The following CELF2 variants were observed in gnomAD, a reference collection of about 807,000 sequenced individuals.
The protein encoded by CELF2 is CUG triplet repeat RNA-binding protein 2.
In CELF2, 8 loss-of-function variants were observed where a neutral mutation model predicts 62.6. The ratio of observed to expected loss-of-function variants is 0.13; its 90% CI spans 0.07 to 0.23. The LOEUF (loss-of-function observed/expected upper bound fraction) is 0.23. Among genes scored for constraint, CELF2 ranks in the 10% least tolerant of loss-of-function variants. CELF2 has a pLI of 1.00. For missense variants in CELF2, 333 were observed against 671.0 expected (o/e 0.50, Z 5.56); for synonymous variants, 258 against 250.0 (o/e 1.03, Z -0.30).
At chr10:10,669,479 T>C in the CELF2 span, among the ~76,000 whole-genome samples, 2 of 152,212 alleles carry the variant, frequency 1.3e-5, 1 homozygote, top group South Asian at 4.1e-4. Context: ...CCTGACTGCA[T>C]TGTCAGAAGC....
At chr10:11,213,107 C>CGA (rs3055307) in intron 2 of CELF2, among the ~76,000 whole-genome samples, 32,910 of 151,990 alleles carry the variant, frequency 0.22, 4,882 homozygotes, top group East Asian at 0.68. Flanking sequence ...TAACATGGAG[C>CGA]GAGGCCTCTC....
intron 3 of CELF2, among the ~76,000 whole-genome samples, chr10:11,218,448 G>T (rs1210387334): frequency 6.6e-6 from 1 of 152,132 alleles, no homozygotes; most frequent in Non-Finnish European, 1.5e-5. Flanking sequence ...ATTCACACAT[G>T]CACACATAAC....
At position 11,297,352 on chromosome 10, in the gene CELF2, C is replaced by A. The variant is rs1467417031; in HGVS notation, c.976+8800C>A. 6.6e-6 allele frequency among the ~76,000 whole-genome samples: 1 copy of A among 152,088 alleles called. No homozygotes were observed. Among genetic ancestry groups the A allele is most frequent in the African/African-American group, 2.4e-5 (1 of 41,406 alleles). On this transcript the variant is annotated intron_variant, in intron 9 of 12. Transcript: ENST00000633077. This position sits in a 1 kb window ranked among gnomAD's most constrained non-coding sequence, Gnocchi z 4.4. ...GACCTGCAGAGGCCAGGCGGGCTGC[C>A]CTAAGCCCGGGGAGGGGTGAGGTCA...
chr10:10,602,712 T>C, the CELF2 span, among the ~76,000 whole-genome samples: 1 of 152,136 alleles, frequency 6.6e-6, no homozygotes, highest in Non-Finnish European at 1.5e-5. Flanking sequence ...TTATCTACTT[T>C]TTAATTGATC....
rs957661113 is a variant in CELF2, at chr10:11,157,395, C to G, written c.75-8091C>G. ...GACTTTGATATCCGCCCTCCCCCCACACACACACACACAAAAATTTCACTT... is the reference window on the plus strand; with the variant it reads ...GACTTTGATATCCGCCCTCCCCCCAGACACACACACACAAAAATTTCACTT... On this transcript the variant is annotated intron_variant, in intron 1 of 12. Transcript: ENST00000633077. This position sits in a 1 kb window ranked among gnomAD's most constrained non-coding sequence, Gnocchi z 4.9. Among the ~76,000 whole-genome samples, 1 of 123,900 alleles carries G rather than the reference C, an allele frequency of 8.1e-6. No individual in the cohort carries two copies. The highest frequency in any genetic ancestry group is 1.6e-5 in the Non-Finnish European group (1 of 60,702). 81.3% of individuals were successfully genotyped at this position (123,900 alleles called of 152,430 possible).
the CELF2 span, among the ~76,000 whole-genome samples, chr10:10,467,272 A>G: frequency 6.6e-6 from 1 of 152,072 alleles, no homozygotes; most frequent in South Asian, 2.1e-4. Flanking sequence ...TTAGTATGAA[A>G]TAAAAACCAA....
chr10:11,272,540 G>GC (rs2084225376), intron 7 of CELF2, among the ~76,000 whole-genome samples: 1 of 152,148 alleles, frequency 6.6e-6, no homozygotes. Context: ...CGTCTCCTGT[G>GC]CCCCCACGGC....
the CELF2 span, among the ~76,000 whole-genome samples, chr10:10,593,966 C>T: frequency 6.6e-6 from 1 of 151,946 alleles, no homozygotes; most frequent in African/African-American, 2.4e-5. Context: ...TAGTATAAAG[C>T]TTGTGATGAG....
At chr10:10,985,331 T>C (rs1033896051) in intron 2 of CELF2, among the ~76,000 whole-genome samples, 15 of 140,690 alleles carry the variant, frequency 1.1e-4, no homozygotes, top group Non-Finnish European at 2.2e-4. Context: ...CTATTAGAAG[T>C]AAAAAAAAAA....
the CELF2 span, among the ~76,000 whole-genome samples, chr10:10,659,117 T>A: frequency 6.6e-6 from 1 of 152,196 alleles, no homozygotes; most frequent in Non-Finnish European, 1.5e-5. Context: ...CTGTTCAAAT[T>A]GCTTTATTTA....
intron 1 of CELF2, among the ~76,000 whole-genome samples, chr10:10,841,620 T>C (rs2058692269): frequency 6.6e-6 from 1 of 152,152 alleles, no homozygotes; most frequent in Non-Finnish European, 1.5e-5. Flanking sequence ...ACATTGATCT[T>C]TATGTCTATT....
the CELF2 span, among the ~76,000 whole-genome samples, chr10:10,476,874 A>G: frequency 7.4e-4 from 112 of 152,244 alleles, 1 homozygote; most frequent in East Asian, 0.019. Context: ...GCTTCAAGGA[A>G]CTTAACTGTT....
the CELF2 span, among the ~76,000 whole-genome samples, chr10:10,745,133 CAAA>C: frequency 1.3e-5 from 1 of 78,612 alleles, no homozygotes; most frequent in Non-Finnish European, 2.9e-5. Context: ...AAAAACAAAA[CAAA>C]AAAAAACTAT....
At chr10:10,475,373 T>C in the CELF2 span, among the ~76,000 whole-genome samples, 3 of 152,056 alleles carry the variant, frequency 2.0e-5, no homozygotes, top group South Asian at 4.1e-4. Context: ...AATCTGCCCA[T>C]GTCTCACTCA....
intron 1 of CELF2, among the ~76,000 whole-genome samples, chr10:11,109,799 A>G (rs1004652672): frequency 1.3e-5 from 2 of 152,192 alleles, no homozygotes; most frequent in Non-Finnish European, 2.9e-5. Flanking sequence ...TAACTCCTGC[A>G]TGCACATGGT....
chr10:11,280,110 A>G lies in CELF2; in HGVS notation c.841+4990A>G, dbSNP rs1463706471. Reference sequence around the variant, plus strand: ...GGATAAAGTGTGACTTGGGGTGCAGACTGAGGAGGCGCCTGGGAGAGGGGC... The same window carrying G: ...GGATAAAGTGTGACTTGGGGTGCAGGCTGAGGAGGCGCCTGGGAGAGGGGC... On this transcript the variant is annotated intron_variant, in intron 8 of 12. Coordinates refer to ENST00000633077, the MANE Select transcript of CELF2 (RefSeq NM_001326342.2). This position sits in a 1 kb window ranked among gnomAD's most constrained non-coding sequence, Gnocchi z 7.6. Among the ~76,000 whole-genome samples, 1 of 152,108 alleles carries G rather than the reference A, an allele frequency of 6.6e-6. No homozygotes were observed. Among genetic ancestry groups the G allele is most frequent in the Non-Finnish European group, 1.5e-5 (1 of 68,010 alleles).
chr10:10,999,232 G>T (rs1411899676), intron 2 of CELF2, among the ~76,000 whole-genome samples: 1 of 152,124 alleles, frequency 6.6e-6, no homozygotes, highest in African/African-American at 2.4e-5. Flanking sequence ...AGAATGCTTC[G>T]TGAAGAAATC....
At chr10:10,803,752 A>G (rs1221850082) in intron 1 of CELF2, among the ~76,000 whole-genome samples, 1 of 152,194 alleles carries the variant, frequency 6.6e-6, no homozygotes, top group Admixed American at 6.5e-5. Flanking sequence ...CTCCCCTATT[A>G]GAATGCACTG....
chr10:10,687,954 T>C, the CELF2 span, among the ~76,000 whole-genome samples: 4 of 152,226 alleles, frequency 2.6e-5, no homozygotes, highest in Non-Finnish European at 5.9e-5. Flanking sequence ...CTATTCTGAC[T>C]TGTGATTCAA....
Sources: allele counts gnomAD v4.1 joint callset (sites outside exome capture counted in the v4.1 genomes callset), GRCh38; gene constraint gnomAD v4.1.1; non-coding constraint Gnocchi (gnomAD v3.1); transcripts MANE v1.5; gene names NCBI Gene and HGNC (gene_info 2026-07-23, HGNC 2026-07-21).